NRXN1: variants seen among roughly 807,000 people sequenced by gnomAD.
NRXN1 encodes neurexin 1.
A neutral mutation model predicts 150.9 loss-of-function variants in NRXN1; 39 were observed. The ratio of observed to expected loss-of-function variants is 0.26; its 90% CI spans 0.20 to 0.34. The LOEUF (loss-of-function observed/expected upper bound fraction) is 0.34, where lower values mean the gene tolerates loss of function less well. NRXN1 is among the 10% of genes least tolerant of loss of function. The pLI, the probability that NRXN1 is intolerant of heterozygous loss-of-function variation, is 1.00. For missense variants in NRXN1, 1,815 were observed against 1,949.9 expected (o/e 0.93, Z 1.30); for synonymous variants, 924 against 757.0 (o/e 1.22, Z -3.62).
Position 50,552,581 on chromosome 2 carries a change from G to C in NRXN1, c.1759+6C>G. On this transcript the variant is annotated splice_donor_region_variant and intron_variant, in intron 9 of 22. Transcript: ENST00000401669. ...GATAAACAGCATAGAAAAATGATAA[G>C]ATTACCTGACCGTCCGTCTCTCTGG... 1.9e-6 allele frequency: 3 copies of C among 1,604,618 alleles called. No individual in the cohort carries two copies. The highest frequency in any genetic ancestry group is 2.6e-6 in the Non-Finnish European group (3 of 1,172,304).
intron 22 of NRXN1, among the ~76,000 whole-genome samples, chr2:49,938,529 C>T (rs1417610976): frequency 6.6e-6 from 1 of 152,150 alleles, no homozygotes; most frequent in Non-Finnish European, 1.5e-5. Context: ...TTTCTTCCCC[C>T]AATGACTAAT....
intron 17 of NRXN1, among the ~76,000 whole-genome samples, chr2:50,327,008 C>CTAACA (rs2076429620): frequency 6.6e-6 from 1 of 152,180 alleles, no homozygotes; most frequent in Admixed American, 6.5e-5. Flanking sequence ...GGGACAAAGT[C>CTAACA]TAACAAAGTT....
At chr2:50,438,500 C>A (rs1012590) in intron 17 of NRXN1, among the ~76,000 whole-genome samples, 1,615 of 152,334 alleles carry the variant, frequency 0.011, 27 homozygotes, top group African/African-American at 0.038. Context: ...CAGGCTACTG[C>A]TTAAGCACAG....
intron 8 of NRXN1, among the ~76,000 whole-genome samples, chr2:50,586,331 C>T (rs1382204409): frequency 6.6e-6 from 1 of 152,058 alleles, no homozygotes; most frequent in African/African-American, 2.4e-5. Flanking sequence ...TCTTCTGGCC[C>T]AGGGACATGT....
chr2:50,642,748 T>A (rs1246097216), intron 5 of NRXN1, among the ~76,000 whole-genome samples: 1 of 151,914 alleles, frequency 6.6e-6, no homozygotes, highest in African/African-American at 2.4e-5. Flanking sequence ...ATATGCAGAG[T>A]TAAGCGTTTG....
chr2:50,027,432 T>C (rs1688525628), intron 21 of NRXN1, among the ~76,000 whole-genome samples: 1 of 141,866 alleles, frequency 7.0e-6, no homozygotes, highest in Non-Finnish European at 1.5e-5. Context: ...CTTCCTCCGT[T>C]CTTTCCTTTG....
chr2:50,146,770 A>C (rs1186122010), intron 18 of NRXN1, among the ~76,000 whole-genome samples: 1 of 151,612 alleles, frequency 6.6e-6, no homozygotes, highest in African/African-American at 2.4e-5. Context: ...TTTGTTAATG[A>C]ATGGTCCAAA....
intron 17 of NRXN1, among the ~76,000 whole-genome samples, chr2:50,373,931 G>T (rs1225348705): frequency 2.0e-5 from 3 of 152,022 alleles, no homozygotes; most frequent in African/African-American, 7.2e-5. Context: ...AAAAGCTCCA[G>T]ATTTGCTTCA....
intron 17 of NRXN1, among the ~76,000 whole-genome samples, chr2:50,420,646 T>A (rs2083911568): frequency 6.6e-6 from 1 of 152,004 alleles, no homozygotes; most frequent in African/African-American, 2.4e-5. Context: ...AAAAGTACCT[T>A]AAGGATGAGG....
chr2:49,995,585 T>C (rs62134648), intron 21 of NRXN1, among the ~76,000 whole-genome samples: 70,378 of 150,760 alleles, frequency 0.47, 17,064 homozygotes, highest in Middle Eastern at 0.61. Flanking sequence ...ATCGACACCA[T>C]CCTGGCTAAC....
intron 2 of NRXN1, among the ~76,000 whole-genome samples, chr2:50,981,413 G>T (rs569641037): frequency 1.7e-5 from 2 of 120,078 alleles, no homozygotes; most frequent in Non-Finnish European, 3.2e-5. Flanking sequence ...AGCCAAGATC[G>T]CACCACTGCA....
At chr2:50,757,216 T>C (rs566531025) in intron 5 of NRXN1, among the ~76,000 whole-genome samples, 9 of 151,798 alleles carry the variant, frequency 5.9e-5, no homozygotes, top group Non-Finnish European at 1.0e-4. Context: ...CAGATTTAGG[T>C]ACCAGAGTTA....
chr2:50,921,849 G>C lies in NRXN1; in HGVS notation c.832+20C>G, dbSNP rs201770560. On this transcript the variant is annotated intron_variant, in intron 5 of 22. Coordinates refer to ENST00000401669, the MANE Select transcript of NRXN1 (RefSeq NM_001330078.2). Reference sequence around the variant, plus strand: ...TAATTCATACAGATGATATTAAGAAGAAATAAAATAATGTAATACCTTTAC... The same window carrying C: ...TAATTCATACAGATGATATTAAGAACAAATAAAATAATGTAATACCTTTAC... 2.4e-6 allele frequency: 3 copies of C among 1,254,924 alleles called. No individual in the cohort carries two copies. The highest frequency in any genetic ancestry group is 1.6e-5 in the African/African-American group (1 of 64,144). The allele number at this position is 1,254,924 out of a possible 1,614,324, so 77.7% of individuals were successfully genotyped here.
chr2:50,649,977 G>A (rs1387681629), intron 5 of NRXN1, among the ~76,000 whole-genome samples: 4 of 151,898 alleles, frequency 2.6e-5, no homozygotes, highest in African/African-American at 7.3e-5. Context: ...TAAAATACAG[G>A]GGACTCTGGT....
chr2:50,396,500 T>C (rs1268240965), intron 17 of NRXN1, among the ~76,000 whole-genome samples: 6 of 152,146 alleles, frequency 3.9e-5, no homozygotes, highest in Non-Finnish European at 7.4e-5. Flanking sequence ...TTTTACTAGG[T>C]AGTGAATTTT....
chr2:50,472,160 T>C (rs1047715655), intron 16 of NRXN1, 138 bp downstream of exon 16: 1 of 616,776 alleles, frequency 1.6e-6, no homozygotes, highest in African/African-American at 1.9e-5. Context: ...GATAAAAAAT[T>C]AAAAACTTGA....
intron 5 of NRXN1, chr2:50,912,907 T>C (rs908379431): frequency 6.6e-6 from 1 of 151,832 alleles, no homozygotes; most frequent in African/African-American, 2.4e-5. Flanking sequence ...TGGCTTTCTT[T>C]GGGATCAATC....
chr2:50,137,303 C>T (rs545814066), intron 18 of NRXN1, among the ~76,000 whole-genome samples: 22 of 152,218 alleles, frequency 1.4e-4, no homozygotes, highest in South Asian at 1.0e-3. Flanking sequence ...GTTCACCAAG[C>T]GCATACTCTT....
intron 5 of NRXN1, among the ~76,000 whole-genome samples, chr2:50,913,677 C>T (rs1311689075): frequency 6.6e-6 from 1 of 151,664 alleles, no homozygotes; most frequent in Non-Finnish European, 1.5e-5. Context: ...TGAAAGTTAA[C>T]ACGAATAATT....
Sources: allele counts gnomAD v4.1 joint callset (sites outside exome capture counted in the v4.1 genomes callset), GRCh38; gene constraint gnomAD v4.1.1; transcripts MANE v1.5; gene names NCBI Gene and HGNC (gene_info 2026-07-23, HGNC 2026-07-21).